KLHL29: variants seen among roughly 807,000 people sequenced by gnomAD.
KLHL29 encodes kelch like family member 29.
In KLHL29, 21 loss-of-function variants were observed where a neutral mutation model predicts 80.4. The ratio of observed to expected loss-of-function variants is 0.26; its 90% CI spans 0.19 to 0.38. The LOEUF (loss-of-function observed/expected upper bound fraction) is 0.38. Among genes scored for constraint, KLHL29 ranks in the 10% least tolerant of loss-of-function variants. The probability of loss-of-function intolerance (pLI) is 1.00; values close to 1 mark genes in which losing one functional copy is unlikely to be tolerated. For missense variants in KLHL29, 867 were observed against 1,223.9 expected (o/e 0.71, Z 4.35); for synonymous variants, 511 against 526.8 (o/e 0.97, Z 0.41).
chr2:23,666,207 G>A (rs780330291), intron 5 of KLHL29, among the ~76,000 whole-genome samples: 1 of 152,220 alleles, frequency 6.6e-6, no homozygotes, highest in Non-Finnish European at 1.5e-5. Flanking sequence ...CCTCCCAAAT[G>A]ATGACGGCAT....
At chr2:23,438,550 C>T (rs1663413416) in intron 1 of KLHL29, among the ~76,000 whole-genome samples, 1 of 149,988 alleles carries the variant, frequency 6.7e-6, no homozygotes, top group African/African-American at 2.5e-5. Context: ...AAGGCCTTTT[C>T]TGCATCTATT....
intron 3 of KLHL29, among the ~76,000 whole-genome samples, chr2:23,575,182 G>A (rs1238293188): frequency 6.6e-6 from 1 of 152,222 alleles, no homozygotes; most frequent in Non-Finnish European, 1.5e-5. Context: ...AAGAAAGAGG[G>A]TTGTGGTGGA....
chr2:23,526,536 C>A (rs944967242), intron 2 of KLHL29, among the ~76,000 whole-genome samples: 2 of 152,176 alleles, frequency 1.3e-5, no homozygotes, highest in Non-Finnish European at 2.9e-5. Context: ...GTGGGAAAAA[C>A]CACTGAAGGT....
chr2:23,394,772 C>A (rs1363881077), intron 1 of KLHL29, among the ~76,000 whole-genome samples: 1 of 152,180 alleles, frequency 6.6e-6, no homozygotes, highest in African/African-American at 2.4e-5. Context: ...TTTCAAGTAC[C>A]TTCAGACTTA....
At chr2:23,548,699 C>T (rs1175046196) in intron 2 of KLHL29, among the ~76,000 whole-genome samples, 1 of 152,244 alleles carries the variant, frequency 6.6e-6, no homozygotes, top group African/African-American at 2.4e-5. Context: ...GCAGTGAGTG[C>T]GTGGCATGAG....
At chr2:23,599,084 C>T (rs1468159531) in intron 3 of KLHL29, among the ~76,000 whole-genome samples, 4 of 152,212 alleles carry the variant, frequency 2.6e-5, no homozygotes, top group Admixed American at 2.6e-4. Flanking sequence ...TTGGAGCAGA[C>T]AGGGGCAAGA....
intron 1 of KLHL29, among the ~76,000 whole-genome samples, chr2:23,400,811 G>C (rs1367914908): frequency 6.6e-6 from 1 of 152,210 alleles, no homozygotes; most frequent in Non-Finnish European, 1.5e-5. Context: ...TCCAGCCTGA[G>C]TGCTATAGCA....
At chr2:23,630,854 A>T (rs1256943868) in intron 3 of KLHL29, among the ~76,000 whole-genome samples, 1 of 152,200 alleles carries the variant, frequency 6.6e-6, no homozygotes, top group African/African-American at 2.4e-5. Flanking sequence ...GTAAGAACAC[A>T]GAATTCCTCA....
chr2:23,471,698 G>GT (rs1558350409), intron 1 of KLHL29, among the ~76,000 whole-genome samples: 1 of 152,092 alleles, frequency 6.6e-6, no homozygotes, highest in African/African-American at 2.4e-5. Flanking sequence ...GTAGGCTGCC[G>GT]TTTGATGAAA....
intron 2 of KLHL29, among the ~76,000 whole-genome samples, chr2:23,555,125 C>A (rs970826984): frequency 2.0e-5 from 3 of 146,352 alleles, no homozygotes; most frequent in Non-Finnish European, 3.0e-5. Context: ...TGACCTCCCC[C>A]CCCCCCTCAA....
intron 3 of KLHL29, among the ~76,000 whole-genome samples, chr2:23,637,161 G>A (rs931894678): frequency 6.6e-6 from 1 of 152,216 alleles, no homozygotes; most frequent in Non-Finnish European, 1.5e-5. Context: ...CCCAGGCCCA[G>A]TGTGGGACTT....
intron 5 of KLHL29, among the ~76,000 whole-genome samples, chr2:23,655,243 G>A (rs11889250): frequency 0.1 from 15,710 of 152,190 alleles, 936 homozygotes; most frequent in East Asian, 0.16. Flanking sequence ...CTGTTGCTGC[G>A]TCTCCCACAC....
intron 3 of KLHL29, among the ~76,000 whole-genome samples, chr2:23,597,488 A>G (rs1159881125): frequency 2.2e-4 from 28 of 125,668 alleles, no homozygotes; most frequent in African/African-American, 8.7e-4. Context: ...CAGTGGCACA[A>G]TCTTGGCTCA....
chr2:23,598,299 A>G (rs1668479430), intron 3 of KLHL29, among the ~76,000 whole-genome samples: 1 of 152,334 alleles, frequency 6.6e-6, no homozygotes, highest in South Asian at 2.1e-4. Flanking sequence ...TACCAAGATC[A>G]TTTGCAAAGT....
At chr2:23,617,856 G>A (rs1291153178) in intron 3 of KLHL29, 2 of 152,166 alleles carry the variant, frequency 1.3e-5, no homozygotes, top group Admixed American at 6.5e-5. Flanking sequence ...TTGCTGTTGT[G>A]GGTAATGCAC....
intron 1 of KLHL29, among the ~76,000 whole-genome samples, chr2:23,441,058 A>G (rs1399264691): frequency 6.6e-6 from 1 of 152,214 alleles, no homozygotes; most frequent in East Asian, 1.9e-4. Flanking sequence ...TATTCACAAT[A>G]GCAAAGACTT....
rs1004107557 is a variant in KLHL29, at chr2:23,596,734, A to G, written c.285+34253A>G. Among the ~76,000 whole-genome samples, 9 of 152,186 alleles carry G rather than the reference A, an allele frequency of 5.9e-5. No homozygotes were observed. Among genetic ancestry groups the G allele is most frequent in the Non-Finnish European group, 1.0e-4 (7 of 68,034 alleles). ...TAGGAAGACTCCGATGCTGGGGCAG[A>G]GCCATCTCTTACACACAACGGCGAA... On this transcript the variant is annotated intron_variant, in intron 3 of 13. Coordinates refer to ENST00000486442, the MANE Select transcript of KLHL29 (RefSeq NM_052920.2). The surrounding 1 kb of genome is among the most constrained non-coding windows in gnomAD (Gnocchi z 4.4).
intron 1 of KLHL29, among the ~76,000 whole-genome samples, chr2:23,442,397 G>T (rs1663553514): frequency 6.6e-6 from 1 of 152,120 alleles, no homozygotes; most frequent in African/African-American, 2.4e-5. Context: ...CCAGCCCAAG[G>T]TCCTTACAAG....
intron 2 of KLHL29, among the ~76,000 whole-genome samples, chr2:23,496,592 G>A (rs578164914): frequency 6.6e-6 from 1 of 152,310 alleles, no homozygotes; most frequent in South Asian, 2.1e-4. Flanking sequence ...GCCAGCGGTG[G>A]AGGGAGGGGA....
Sources: allele counts gnomAD v4.1 joint callset (sites outside exome capture counted in the v4.1 genomes callset), GRCh38; gene constraint gnomAD v4.1.1; non-coding constraint Gnocchi (gnomAD v3.1); transcripts MANE v1.5; gene names NCBI Gene and HGNC (gene_info 2026-07-23, HGNC 2026-07-21).